The following KCNK10 variants were observed in gnomAD, a reference collection of about 807,000 sequenced individuals.
KCNK10 encodes potassium channel subfamily K member 10.
A neutral mutation model predicts 47.7 loss-of-function variants in KCNK10; 25 were observed. That is an observed-to-expected ratio of 0.52 (90% CI 0.38 to 0.73). The LOEUF (loss-of-function observed/expected upper bound fraction) is 0.73, where lower values mean the gene tolerates loss of function less well. Among genes scored for constraint, KCNK10 ranks in the 30% least tolerant of loss-of-function variants. KCNK10 has a pLI of 0.00. For missense variants in KCNK10, 563 were observed against 714.5 expected, an observed-to-expected ratio of 0.79 and a Z score of 2.42; for synonymous variants, 303 against 285.6, an observed-to-expected ratio of 1.06 and a Z score of -0.61.
rs374996393 is a variant in KCNK10 at position 88,320,746 on chromosome 14, G to A, written c.52+2001C>T. ...AACCACCCTGGCCCATGCTACCATTGTATCTGGTCCCCTACATCCACAAGA... is the reference window on the plus strand; with the variant it reads ...AACCACCCTGGCCCATGCTACCATTATATCTGGTCCCCTACATCCACAAGA... On this transcript the variant is annotated intron_variant, in intron 1 of 6. Transcript: ENST00000319231. Among the ~76,000 whole-genome samples, 49 of 152,264 alleles carry A rather than the reference G, an allele frequency of 3.2e-4. No homozygotes were observed. The East Asian group carries it at 3.7e-3, about 11-fold the overall frequency.
chr14:88,287,058 C>A (rs775654296), intron 1 of KCNK10, among the ~76,000 whole-genome samples: 1 of 152,138 alleles, frequency 6.6e-6, no homozygotes, highest in Non-Finnish European at 1.5e-5. Context: ...ACTTTACAAG[C>A]AAGGTATTAT....
intron 1 of KCNK10, among the ~76,000 whole-genome samples, chr14:88,282,941 T>C (rs1371809638): frequency 2.6e-5 from 4 of 152,220 alleles, no homozygotes; most frequent in South Asian, 2.1e-4. Flanking sequence ...TGTGCAGACA[T>C]ACATTGTACC....
intron 2 of KCNK10, among the ~76,000 whole-genome samples, chr14:88,249,980 G>A (rs1886749554): frequency 6.6e-6 from 1 of 152,034 alleles, no homozygotes; most frequent in South Asian, 2.1e-4. Context: ...AGCAATTGTA[G>A]GAACGAGACA....
chr14:88,293,663 C>T (rs931240701), intron 1 of KCNK10, among the ~76,000 whole-genome samples: 1 of 151,606 alleles, frequency 6.6e-6, no homozygotes, highest in African/African-American at 2.4e-5. Context: ...TTCTTCTTAG[C>T]CTCCTTCTCC....
At chr14:88,291,227 C>T (rs947559444) in intron 1 of KCNK10, among the ~76,000 whole-genome samples, 24 of 152,310 alleles carry the variant, frequency 1.6e-4, no homozygotes, top group African/African-American at 5.8e-4. Context: ...CCCCGCCCCT[C>T]GTTCCCCACC....
chr14:88,280,051 TTA>T (rs1464476513), intron 1 of KCNK10, among the ~76,000 whole-genome samples: 1 of 152,140 alleles, frequency 6.6e-6, no homozygotes, highest in Non-Finnish European at 1.5e-5. Flanking sequence ...CCGGTCTTGG[TTA>T]TGTCTTTATC....
intron 1 of KCNK10, among the ~76,000 whole-genome samples, chr14:88,273,508 T>A (rs1329538641): frequency 2.0e-5 from 3 of 152,168 alleles, no homozygotes; most frequent in Non-Finnish European, 4.4e-5. Flanking sequence ...CCTTTATTGT[T>A]CCGATAAAAT....
intron 1 of KCNK10, among the ~76,000 whole-genome samples, chr14:88,298,794 T>A (rs375427678): frequency 6.6e-6 from 1 of 152,166 alleles, no homozygotes; most frequent in South Asian, 2.1e-4. Flanking sequence ...AATAAATCCA[T>A]GTTCAACCTA....
intron 3 of KCNK10, among the ~76,000 whole-genome samples, chr14:88,231,818 A>C (rs1886167299): frequency 6.6e-6 from 1 of 152,180 alleles, no homozygotes; most frequent in Non-Finnish European, 1.5e-5. Context: ...ATCTTTCCAT[A>C]TATCTCAGCA....
At chr14:88,266,995 T>C (rs1887276248) in intron 1 of KCNK10, among the ~76,000 whole-genome samples, 1 of 152,158 alleles carries the variant, frequency 6.6e-6, no homozygotes, top group African/African-American at 2.4e-5. Context: ...TTGAACAGAA[T>C]CCACCCATGC....
chr14:88,245,770 C>T (rs969631373), intron 2 of KCNK10, among the ~76,000 whole-genome samples: 1 of 152,180 alleles, frequency 6.6e-6, no homozygotes, highest in Non-Finnish European at 1.5e-5. Flanking sequence ...TGCATGGACG[C>T]TAATAGCTGG....
chr14:88,211,914 C>A (rs1275312510), intron 4 of KCNK10, among the ~76,000 whole-genome samples: 3 of 141,910 alleles, frequency 2.1e-5, no homozygotes, highest in East Asian at 4.4e-4. Context: ...AAAAAAAAAT[C>A]TTTGTAACAA....
chr14:88,291,809 G>A (rs553066755), intron 1 of KCNK10, among the ~76,000 whole-genome samples: 14 of 152,318 alleles, frequency 9.2e-5, no homozygotes, highest in African/African-American at 3.1e-4. Flanking sequence ...GTGGAGTCAC[G>A]TGCTTTCCCC....
intron 1 of KCNK10, among the ~76,000 whole-genome samples, chr14:88,316,473 C>A (rs372567128): frequency 2.0e-5 from 3 of 152,176 alleles, no homozygotes; most frequent in East Asian, 1.9e-4. Context: ...TAGGACCAGA[C>A]CCCAGAAGTG....
intron 1 of KCNK10, among the ~76,000 whole-genome samples, chr14:88,320,841 T>C (rs1290683242): frequency 1.3e-5 from 2 of 152,152 alleles, no homozygotes; most frequent in African/African-American, 4.8e-5. Context: ...CTTCATTGGC[T>C]TTAGATAAAT....
At chr14:88,212,031 T>C (rs185527635) in intron 4 of KCNK10, among the ~76,000 whole-genome samples, 1 of 151,498 alleles carries the variant, frequency 6.6e-6, no homozygotes, top group Non-Finnish European at 1.5e-5. Context: ...CTTTTGAGTA[T>C]GGCACTCCCT....
In KCNK10 at chr14:88,287,512, C is replaced by A. The variant is rs140026678; in HGVS notation, c.53-23961G>T. 7.7e-4 allele frequency among the ~76,000 whole-genome samples: 117 copies of A among 152,268 alleles called. 1 individual carries two copies. Among genetic ancestry groups the A allele is most frequent in the African/African-American group, 2.6e-3 (108 of 41,540 alleles). On this transcript the variant is annotated intron_variant, in intron 1 of 6. Transcript: ENST00000319231. The stretch of plus-strand genomic sequence containing the variant: ...AGTCCCCAAAGTCCAATGAGGATGC[C>A]TTTGCATCCTCATAGCTTAGCTCCC...
At chr14:88,312,297 C>T (rs1178742148) in intron 1 of KCNK10, among the ~76,000 whole-genome samples, 1 of 150,264 alleles carries the variant, frequency 6.7e-6, no homozygotes, top group East Asian at 2.0e-4. Flanking sequence ...CAAGACTGTA[C>T]AGAAAAAGCA....
chr14:88,258,898 T>G (rs1887034685), intron 2 of KCNK10, among the ~76,000 whole-genome samples: 1 of 152,184 alleles, frequency 6.6e-6, no homozygotes, highest in Non-Finnish European at 1.5e-5. Flanking sequence ...CATGCTTCTC[T>G]GGATACTCTA....
Sources: allele counts gnomAD v4.1 joint callset (sites outside exome capture counted in the v4.1 genomes callset), GRCh38; gene constraint gnomAD v4.1.1; transcripts MANE v1.5; gene names NCBI Gene and HGNC (gene_info 2026-07-23, HGNC 2026-07-21).